Variants in PHACTR2 observed in about 807,000 individuals in gnomAD.
The protein encoded by PHACTR2 is phosphatase and actin regulator 2, also known as chromosome 6 open reading frame 56.
A neutral mutation model predicts 76.0 loss-of-function variants in PHACTR2; 30 were observed. The ratio of observed to expected loss-of-function variants is 0.39; its 90% CI spans 0.30 to 0.54. The LOEUF (loss-of-function observed/expected upper bound fraction) is 0.54, where lower values mean the gene tolerates loss of function less well. Among genes scored for constraint, PHACTR2 ranks in the 20% least tolerant of loss-of-function variants. The pLI is 0.61. For missense variants in PHACTR2, 696 were observed against 781.1 expected, an observed-to-expected ratio of 0.89 and a Z score of 1.30; for synonymous variants, 292 against 292.5, an observed-to-expected ratio of 1.00 and a Z score of 0.02.
chr6:143,599,466 T>C lies in PHACTR2; in HGVS notation c.217+62259T>C, dbSNP rs115255703. On this transcript the variant is annotated intron_variant, in intron 1 of 11. Transcript: ENST00000367584. The surrounding 1 kb of genome is among the most constrained non-coding windows in gnomAD (Gnocchi z 4.6). ...AACAATTGTTGAGTACTCAGTAGTG[T>C]TCTGGGAGCTACGAGGAAGACCTTG... Among the ~76,000 whole-genome samples the C allele has an allele frequency of 0.011, 1,650 of 152,332 alleles. 28 individuals are homozygous for C. The highest frequency in any genetic ancestry group is 0.037 in the African/African-American group (1,548 of 41,558).
intron 1 of PHACTR2, among the ~76,000 whole-genome samples, chr6:143,600,967 C>T (rs1775809283): frequency 6.6e-6 from 1 of 152,156 alleles, no homozygotes; most frequent in Non-Finnish European, 1.5e-5. Flanking sequence ...TGCTACAATA[C>T]GAAAGACCTG....
rs1778112837 is a variant in PHACTR2, at chr6:143,709,085, C to G, written c.47-2931C>G. Among the ~76,000 whole-genome samples the G allele has an allele frequency of 6.6e-6, 1 of 152,136 alleles. No homozygotes were observed. The highest frequency in any genetic ancestry group is 1.5e-5 in the Non-Finnish European group (1 of 68,024). On this transcript the variant is annotated intron_variant, in intron 1 of 12. Coordinates refer to ENST00000440869, the MANE Select transcript of PHACTR2 (RefSeq NM_001100164.2). The surrounding 1 kb of genome is among the most constrained non-coding windows in gnomAD (Gnocchi z 4.4). ...AAGTAAAACCATACTCTCAGTTCCCCCTGGGTTTGCCCTCTGGTTCAAAGA... is the reference window on the plus strand; with the variant it reads ...AAGTAAAACCATACTCTCAGTTCCCGCTGGGTTTGCCCTCTGGTTCAAAGA...
At chr6:143,538,910 G>A (rs758897532) in intron 1 of PHACTR2, among the ~76,000 whole-genome samples, 1 of 152,192 alleles carries the variant, frequency 6.6e-6, no homozygotes, top group African/African-American at 2.4e-5. Flanking sequence ...CATTGAGTCC[G>A]AATGTTTTTA....
At chr6:143,586,440 A>G (rs9390116) in intron 1 of PHACTR2, among the ~76,000 whole-genome samples, 107,581 of 151,878 alleles carry the variant, frequency 0.71, 38,365 homozygotes, top group Middle Eastern at 0.79. Flanking sequence ...ATTGATGCAG[A>G]GCAGGCAAGT....
At position 143,819,255 on chromosome 6, in the gene PHACTR2, T is replaced by A; in HGVS notation, c.1923-4419T>A. On this transcript the variant is annotated intron_variant, in intron 12 of 12. Transcript: ENST00000440869. This position sits in a 1 kb window ranked among gnomAD's most constrained non-coding sequence, Gnocchi z 5.0. ...TCATAAGGTCCTCAGGTGGTTATGT[T>A]CCAGTAGAGAAGCAAACTATTACCA... is the stretch of plus-strand genomic sequence containing the variant. Among the ~76,000 whole-genome samples the A allele has an allele frequency of 6.6e-6, 1 of 152,100 alleles. No individual in the cohort carries two copies. The highest frequency in any genetic ancestry group is 1.9e-4 in the East Asian group (1 of 5,176).
At position 143,658,657 on chromosome 6, in the gene PHACTR2, T is replaced by C. The variant is rs1455397437; in HGVS notation, c.13+50335T>C. Reference sequence around the variant, plus strand: ...GACAATTATAACACAATGGTAAGCATTTGTGTATCTAAACATATATCTAAA... The same window carrying C: ...GACAATTATAACACAATGGTAAGCACTTGTGTATCTAAACATATATCTAAA... On this transcript the variant is annotated intron_variant, in intron 1 of 11. Transcript: ENST00000305766. This position sits in a 1 kb window ranked among gnomAD's most constrained non-coding sequence, Gnocchi z 4.1. 6.6e-6 allele frequency among the ~76,000 whole-genome samples: 1 copy of C among 152,176 alleles called. No homozygotes were observed. Among genetic ancestry groups the C allele is most frequent in the African/African-American group, 2.4e-5 (1 of 41,432 alleles).
At chr6:143,802,762 A>ATGTCT in intron 11 of PHACTR2, among the ~76,000 whole-genome samples, 1 of 152,046 alleles carries the variant, frequency 6.6e-6, no homozygotes, top group South Asian at 2.1e-4. Flanking sequence ...TATTTGTCTA[A>ATGTCT]AGTGTCTGAT....
intron 1 of PHACTR2, among the ~76,000 whole-genome samples, chr6:143,703,767 T>C (rs142372966): frequency 6.6e-6 from 1 of 152,288 alleles, no homozygotes; most frequent in Non-Finnish European, 1.5e-5. Flanking sequence ...TGAGCCAAGA[T>C]CTTTTCTAAC....
chr6:143,793,614 G>GA lies in PHACTR2; in HGVS notation c.1845+4710dup, dbSNP rs1229015484. Among the ~76,000 whole-genome samples the GA allele has an allele frequency of 6.6e-6, 1 of 152,000 alleles. No homozygotes were observed. Among genetic ancestry groups the GA allele is most frequent in the Admixed American group, 6.6e-5 (1 of 15,254 alleles). ...TAAGAGGTAGAATTTCTTTTAAATA[G>GA]AAAAAATATTGGCCAGGCATGGTGG... On this transcript the variant is annotated intron_variant, in intron 11 of 12. Transcript: ENST00000440869. This position sits in a 1 kb window ranked among gnomAD's most constrained non-coding sequence, Gnocchi z 4.4.
intron 1 of PHACTR2, among the ~76,000 whole-genome samples, chr6:143,575,527 C>A (rs9496678): frequency 0.61 from 93,299 of 151,928 alleles, 28,972 homozygotes; most frequent in Middle Eastern, 0.72. Flanking sequence ...GCTGTTTTAC[C>A]GTGTGGACAC....
intron 1 of PHACTR2, among the ~76,000 whole-genome samples, chr6:143,551,710 T>C (rs1390757635): frequency 2.6e-5 from 4 of 152,144 alleles, no homozygotes; most frequent in Non-Finnish European, 5.9e-5. Flanking sequence ...GCAATGATAA[T>C]TATGAAGATG....
intron 1 of PHACTR2, among the ~76,000 whole-genome samples, chr6:143,542,574 G>A (rs1352337955): frequency 2.0e-5 from 3 of 152,122 alleles, no homozygotes; most frequent in Admixed American, 1.3e-4. Flanking sequence ...CTGTTGACCA[G>A]CTTTCTTATT....
At chr6:143,685,618 C>T (rs1241799915) in intron 1 of PHACTR2, among the ~76,000 whole-genome samples, 1 of 148,718 alleles carries the variant, frequency 6.7e-6, no homozygotes, top group Admixed American at 6.7e-5. Flanking sequence ...AGAAACTTGC[C>T]TATGTTACCT....
Position 143,589,219 on chromosome 6 carries a change from C to T in PHACTR2, c.217+52012C>T, listed in dbSNP as rs186119662. 1.7e-3 allele frequency among the ~76,000 whole-genome samples: 252 copies of T among 152,244 alleles called. No individual in the cohort carries two copies. The highest frequency in any genetic ancestry group is 5.9e-3 in the African/African-American group (244 of 41,538). On this transcript the variant is annotated intron_variant, in intron 1 of 11. Coordinates refer to the PHACTR2 transcript ENST00000367584. This position sits in a 1 kb window ranked among gnomAD's most constrained non-coding sequence, Gnocchi z 4.4. ...TTTGTGTCCCACCCAAATCTCATGT[C>T]CAGTTGTAATCTCCAGTGTTGGAGG... is the stretch of plus-strand genomic sequence containing the variant.
rs894544531 is a variant in PHACTR2, at chr6:143,671,258, C to T, written c.14-40758C>T. Among the ~76,000 whole-genome samples, 5 of 152,048 alleles carry T rather than the reference C, an allele frequency of 3.3e-5. No homozygotes were observed. The highest frequency in any genetic ancestry group is 4.8e-5 in the African/African-American group (2 of 41,392). ...AAGTCTTTATAGTTAACTGCAAGGTCCTATGTGGTTATAATCTCCTTCTCC... is the reference window on the plus strand; with the variant it reads ...AAGTCTTTATAGTTAACTGCAAGGTTCTATGTGGTTATAATCTCCTTCTCC... On this transcript the variant is annotated intron_variant, in intron 1 of 11. Transcript: ENST00000305766. This position sits in a 1 kb window ranked among gnomAD's most constrained non-coding sequence, Gnocchi z 4.6.
In PHACTR2 at chr6:143,777,514, G is replaced by A. The variant is rs118147060; in HGVS notation, c.1645+131G>A. The stretch of plus-strand genomic sequence containing the variant: ...AGATGGACTGAAATAGTCCATTTAT[G>A]TCACATTTATATGTAATTGTTTATA... On this transcript the variant is annotated intron_variant, in intron 9 of 12. Coordinates refer to ENST00000440869, the MANE Select transcript of PHACTR2 (RefSeq NM_001100164.2). The surrounding 1 kb of genome is among the most constrained non-coding windows in gnomAD (Gnocchi z 4.6). 1,867 of 438,402 alleles carry A rather than the reference G, an allele frequency of 4.3e-3. 7 individuals carry two copies. Among genetic ancestry groups the A allele is most frequent in the Non-Finnish European group, 6.4e-3 (1,597 of 248,306 alleles). The allele number at this position is 438,402 out of a possible 1,614,324, so 27.2% of individuals were successfully genotyped here. A position where few individuals can be genotyped will look rare whatever the true frequency, so the allele number is the denominator to read the frequency against.
In PHACTR2 at chr6:143,764,520, C is replaced by CA. The variant is rs11321214; in HGVS notation, c.695-724dup. Among the ~76,000 whole-genome samples, 4,021 of 110,684 alleles carry CA rather than the reference C, an allele frequency of 0.036. 93 individuals carry two copies. The highest frequency in any genetic ancestry group is 0.088 in the Middle Eastern group (18 of 204). 72.6% of individuals were successfully genotyped at this position (110,684 alleles called of 152,430 possible). On this transcript the variant is annotated intron_variant, in intron 5 of 12. Coordinates refer to ENST00000440869, the MANE Select transcript of PHACTR2 (RefSeq NM_001100164.2). This position sits in a 1 kb window ranked among gnomAD's most constrained non-coding sequence, Gnocchi z 4.7. ...TGGGCGACAGAACAAGACCTTGTCTCAAAAAAAAAAAAAAAAAGGAGCAAC... is the reference window on the plus strand; with the variant it reads ...TGGGCGACAGAACAAGACCTTGTCTCAAAAAAAAAAAAAAAAAAGGAGCAAC...
In PHACTR2 at chr6:143,571,998, A is replaced by G. The variant is rs1008395363; in HGVS notation, c.217+34791A>G. Among the ~76,000 whole-genome samples the G allele has an allele frequency of 2.0e-5, 3 of 152,232 alleles. No individual in the cohort carries two copies. The highest frequency in any genetic ancestry group is 7.2e-5 in the African/African-American group (3 of 41,456). The stretch of plus-strand genomic sequence containing the variant: ...ACTGGTCCCAAAAACATGTCAGATT[A>G]TGAGGAGCATAGCCTATTTTGATAC... On this transcript the variant is annotated intron_variant, in intron 1 of 11. Coordinates refer to the PHACTR2 transcript ENST00000367584. This position sits in a 1 kb window ranked among gnomAD's most constrained non-coding sequence, Gnocchi z 4.6.
chr6:143,785,024 G>A (rs1466266419), intron 10 of PHACTR2, among the ~76,000 whole-genome samples: 1 of 152,060 alleles, frequency 6.6e-6, no homozygotes, highest in Admixed American at 6.6e-5. Context: ...CAAATCTCAT[G>A]TCCTCACATT....
Sources: allele counts gnomAD v4.1 joint callset (sites outside exome capture counted in the v4.1 genomes callset), GRCh38; gene constraint gnomAD v4.1.1; non-coding constraint Gnocchi (gnomAD v3.1); transcripts MANE v1.5; gene names NCBI Gene and HGNC (gene_info 2026-07-23, HGNC 2026-07-21).